The following DPP10 variants were observed in gnomAD, a reference collection of about 807,000 sequenced individuals.
DPP10 encodes inactive dipeptidyl peptidase 10.
A neutral mutation model predicts 120.9 loss-of-function variants in DPP10; 33 were observed. The observed-to-expected ratio is 0.27, with a 90% CI of 0.21 to 0.37. DPP10 has a LOEUF of 0.37. Among genes scored for constraint, DPP10 ranks in the 10% least tolerant of loss-of-function variants. The pLI is 1.00. For missense variants in DPP10, 816 were observed against 942.8 expected (o/e 0.87, Z 1.76); for synonymous variants, 337 against 326.1 (o/e 1.03, Z -0.36).
intron 24 of DPP10, among the ~76,000 whole-genome samples, chr2:115,839,608 A>C (rs532431529): frequency 3.5e-5 from 5 of 141,948 alleles, no homozygotes; most frequent in African/African-American, 1.3e-4. Flanking sequence ...TGGGAGGCAG[A>C]GGTTGCAGTG....
chr2:115,812,464 C>A (rs1488408329), intron 19 of DPP10, among the ~76,000 whole-genome samples: 1 of 151,788 alleles, frequency 6.6e-6, no homozygotes, highest in Non-Finnish European at 1.5e-5. Context: ...GCAACTGAAA[C>A]AAACAAACAA....
intron 4 of DPP10, among the ~76,000 whole-genome samples, chr2:115,509,546 T>C (rs781605432): frequency 1.3e-5 from 2 of 152,118 alleles, no homozygotes; most frequent in Non-Finnish European, 2.9e-5. Context: ...CATTTCTTGA[T>C]TCAAATGTGA....
At chr2:114,626,390 C>T (rs1018223654) in intron 1 of DPP10, among the ~76,000 whole-genome samples, 1 of 151,912 alleles carries the variant, frequency 6.6e-6, no homozygotes, top group African/African-American at 2.4e-5. Context: ...GTTTTCTTTA[C>T]TTTCAGAATT....
chr2:114,892,333 C>T (rs951448454), intron 1 of DPP10, among the ~76,000 whole-genome samples: 4 of 152,146 alleles, frequency 2.6e-5, no homozygotes, highest in African/African-American at 7.2e-5. Flanking sequence ...GGTCCTCACA[C>T]CCACTCTGTG....
chr2:115,685,116 A>G (rs1204395683), intron 5 of DPP10, among the ~76,000 whole-genome samples: 4 of 151,958 alleles, frequency 2.6e-5, no homozygotes, highest in Admixed American at 1.3e-4. Context: ...TATTTTATGA[A>G]GTATGAATAA....
chr2:114,955,707 C>A (rs1034533899), intron 1 of DPP10, among the ~76,000 whole-genome samples: 1 of 152,094 alleles, frequency 6.6e-6, no homozygotes, highest in African/African-American at 2.4e-5. Context: ...CAAAATATAG[C>A]AAACCAAGTT....
chr2:115,648,112 T>C (rs1354169141), intron 5 of DPP10, among the ~76,000 whole-genome samples: 1 of 152,034 alleles, frequency 6.6e-6, no homozygotes, highest in Non-Finnish European at 1.5e-5. Flanking sequence ...TCACTTAAGG[T>C]ACCAGAAGAA....
rs146218529 is a variant in DPP10, at chr2:114,772,410, C to T, written c.60+329572C>T. On this transcript the variant is annotated intron_variant, in intron 1 of 25. Coordinates refer to ENST00000410059, the MANE Select transcript of DPP10 (RefSeq NM_020868.6). ...CCTGACCTCATGCGATCCACCCACT[C>T]GGCCTACCAAAGTGCTGGGATTACA... Among the ~76,000 whole-genome samples the T allele has an allele frequency of 2.1e-3, 320 of 152,136 alleles. 12 individuals are homozygous for T. In the East Asian group the frequency reaches 0.048, roughly 23 times the overall value.
chr2:115,327,643 TGTG>T (rs1186321930), intron 2 of DPP10, among the ~76,000 whole-genome samples: 1 of 152,032 alleles, frequency 6.6e-6, no homozygotes, highest in East Asian at 1.9e-4. Flanking sequence ...TGAGAAACAA[TGTG>T]GTGAGTTTAG....
rs143870081 is a variant in DPP10, at chr2:114,577,513, C to T, written c.60+134675C>T. 6.4e-4 allele frequency among the ~76,000 whole-genome samples: 97 copies of T among 152,276 alleles called. 1 individual carries two copies. The highest frequency in any genetic ancestry group is 3.4e-3 in the Middle Eastern group (1 of 294). The stretch of plus-strand genomic sequence containing the variant: ...AAGTCAGAGCTGCTGCCATTGATGA[C>T]GAGGCCGGAGGGGCTCTTTTTTGCC... On this transcript the variant is annotated intron_variant, in intron 1 of 25. Transcript: ENST00000410059.
chr2:115,774,582 ACCT>A (rs1280415175), intron 13 of DPP10, among the ~76,000 whole-genome samples: 3 of 152,074 alleles, frequency 2.0e-5, no homozygotes, highest in African/African-American at 7.2e-5. Flanking sequence ...TTGCACTTAT[ACCT>A]CTAGTCAACA....
chr2:114,465,249 TACGAAGTGTTTAGCACAG>T (rs1278808595), intron 1 of DPP10, among the ~76,000 whole-genome samples: 1 of 152,254 alleles, frequency 6.6e-6, no homozygotes, highest in Non-Finnish European at 1.5e-5. Context: ...GAAGGACACA[TACGAAGTGTTTAGCACAG>T]GGCCTGACGG....
At chr2:114,583,625 A>T (rs1376013933) in intron 1 of DPP10, among the ~76,000 whole-genome samples, 1 of 152,160 alleles carries the variant, frequency 6.6e-6, no homozygotes, top group Admixed American at 6.5e-5. Context: ...TTTAACTGAA[A>T]CTTTGACTTT....
intron 2 of DPP10, among the ~76,000 whole-genome samples, chr2:115,312,683 T>C (rs570151121): frequency 4.6e-5 from 7 of 152,226 alleles, no homozygotes; most frequent in Middle Eastern, 3.4e-3. Flanking sequence ...TCAGCTGTGC[T>C]AAAACAGAGC....
intron 1 of DPP10, among the ~76,000 whole-genome samples, chr2:114,706,053 T>G (rs1454355943): frequency 2.0e-5 from 3 of 152,326 alleles, no homozygotes; most frequent in South Asian, 2.1e-4. Flanking sequence ...ATGGGCCATT[T>G]TTCTACTTTA....
chr2:115,781,098 A>T (rs2149866140), intron 16 of DPP10, 103 bp downstream of exon 16: 1 of 984,370 alleles, frequency 1.0e-6, no homozygotes, highest in East Asian at 3.0e-5. Context: ...TCATAATCTT[A>T]ATTTATAAAT....
intron 3 of DPP10, among the ~76,000 whole-genome samples, chr2:115,473,039 C>G (rs2074836207): frequency 6.6e-6 from 1 of 152,160 alleles, no homozygotes; most frequent in Non-Finnish European, 1.5e-5. Context: ...ATGACTTTTA[C>G]TAAAACCACA....
intron 2 of DPP10, among the ~76,000 whole-genome samples, chr2:115,335,888 G>C (rs2063100696): frequency 6.6e-6 from 1 of 152,038 alleles, no homozygotes; most frequent in African/African-American, 2.4e-5. Context: ...ACCCAGCTAA[G>C]GGAGAATCAC....
chr2:114,644,233 C>T (rs1212471522), intron 1 of DPP10, among the ~76,000 whole-genome samples: 15 of 150,894 alleles, frequency 9.9e-5, no homozygotes, highest in African/African-American at 2.2e-4. Flanking sequence ...TGAGCCAGCG[C>T]GCCTGGCTTG....
Sources: allele counts gnomAD v4.1 joint callset (sites outside exome capture counted in the v4.1 genomes callset), GRCh38; gene constraint gnomAD v4.1.1; transcripts MANE v1.5; gene names NCBI Gene and HGNC (gene_info 2026-07-23, HGNC 2026-07-21).